Variants in NCKAP5 observed in about 807,000 individuals in gnomAD.
NCKAP5 encodes nck-associated protein 5.
NCKAP5 carries 92 observed loss-of-function variants against 167.0 expected under a neutral mutation model. That is an observed-to-expected ratio of 0.55 (90% confidence interval 0.47 to 0.66). The LOEUF (loss-of-function observed/expected upper bound fraction) is 0.66. NCKAP5 is among the 30% of genes least tolerant of loss of function. NCKAP5 has a pLI of 0.00. For missense variants in NCKAP5, 2,378 were observed against 2,315.0 expected, an observed-to-expected ratio of 1.03 and a Z score of -0.56; for synonymous variants, 891 against 877.4, an observed-to-expected ratio of 1.02 and a Z score of -0.27.
chr2:132,838,730 T>C (rs1688079784), intron 11 of NCKAP5, among the ~76,000 whole-genome samples: 1 of 152,200 alleles, frequency 6.6e-6, no homozygotes, highest in South Asian at 2.1e-4. Flanking sequence ...AGCTTTTATT[T>C]CTATGGCACA....
chr2:132,692,653 C>T (rs1034286096), intron 19 of NCKAP5, among the ~76,000 whole-genome samples: 1 of 151,834 alleles, frequency 6.6e-6, no homozygotes, highest in African/African-American at 2.4e-5. Context: ...CTGTGAAAAA[C>T]AAGTGGCACC....
intron 4 of NCKAP5, among the ~76,000 whole-genome samples, chr2:133,252,791 A>T (rs1402004749): frequency 6.6e-6 from 1 of 152,236 alleles, no homozygotes; most frequent in African/African-American, 2.4e-5. Flanking sequence ...TTCTAAAGTT[A>T]TAGTGCATGA....
At chr2:133,425,358 A>C (rs1023754108) in intron 3 of NCKAP5, among the ~76,000 whole-genome samples, 2 of 152,248 alleles carry the variant, frequency 1.3e-5, no homozygotes, top group African/African-American at 4.8e-5. Flanking sequence ...TAGGAGTCTG[A>C]GGCAGAGCCA....
At chr2:133,452,745 A>T (rs1263860225) in intron 3 of NCKAP5, among the ~76,000 whole-genome samples, 2 of 152,162 alleles carry the variant, frequency 1.3e-5, no homozygotes, top group Non-Finnish European at 2.9e-5. Context: ...AACACACAGA[A>T]AAGGCAATCA....
At chr2:133,063,935 A>G (rs955340166) in intron 6 of NCKAP5, among the ~76,000 whole-genome samples, 4 of 152,200 alleles carry the variant, frequency 2.6e-5, no homozygotes, top group Admixed American at 2.6e-4. Flanking sequence ...GGAGACTAGA[A>G]AGATCTAGTG....
At chr2:133,403,622 C>T (rs1337117757) in intron 3 of NCKAP5, among the ~76,000 whole-genome samples, 4 of 152,288 alleles carry the variant, frequency 2.6e-5, no homozygotes, top group East Asian at 1.9e-4. Context: ...CCAGCTTTAA[C>T]GGCGGATGGT....
intron 6 of NCKAP5, among the ~76,000 whole-genome samples, chr2:133,077,931 T>C (rs2080667332): frequency 6.6e-6 from 1 of 152,214 alleles, no homozygotes; most frequent in African/African-American, 2.4e-5. Context: ...GATGCTTTTA[T>C]GTCTAAGAAA....
chr2:133,252,400 G>C (rs2088391063), intron 4 of NCKAP5, among the ~76,000 whole-genome samples: 1 of 152,086 alleles, frequency 6.6e-6, no homozygotes, highest in Non-Finnish European at 1.5e-5. Context: ...TTCACTACGG[G>C]GCTCTCTTTC....
rs141594241 is a variant in NCKAP5 at position 133,395,989 on chromosome 2, C to T, written c.70-92879G>A. 4.1e-3 allele frequency among the ~76,000 whole-genome samples: 631 copies of T among 152,164 alleles called. 6 individuals are homozygous for T. Among genetic ancestry groups the T allele is most frequent in the Middle Eastern group, 0.017 (5 of 294 alleles). ...ACCATTTTAGCAAGTTTCTTTCTCT[C>T]ACCATCTCCTTCACATTTTCTTTCT... On this transcript the variant is annotated intron_variant, in intron 3 of 19. Transcript: ENST00000409261.
the NCKAP5 span, among the ~76,000 whole-genome samples, chr2:133,589,300 A>G: frequency 2.2e-4 from 33 of 152,192 alleles, no homozygotes; most frequent in South Asian, 4.1e-4. Flanking sequence ...ATGAGTGTGG[A>G]AGAAATTAAA....
intron 4 of NCKAP5, among the ~76,000 whole-genome samples, chr2:133,239,286 T>C (rs1479054113): frequency 1.3e-5 from 2 of 152,182 alleles, no homozygotes; most frequent in African/African-American, 2.4e-5. Flanking sequence ...ACAATTTCAG[T>C]GAATAGCTCA....
chr2:133,498,480 A>AAGGAAGGAAGGCAGGC (rs1310524686), intron 3 of NCKAP5, among the ~76,000 whole-genome samples: 58 of 101,798 alleles, frequency 5.7e-4, no homozygotes, highest in Middle Eastern at 4.6e-3. Flanking sequence ...GGAAGGAAGG[A>AAGGAAGGAAGGCAGGC]AGGCAGGCAG....
At chr2:133,656,786 C>T in the NCKAP5 span, among the ~76,000 whole-genome samples, 22 of 152,190 alleles carry the variant, frequency 1.4e-4, no homozygotes, top group African/African-American at 5.3e-4. Context: ...TTATTTTTTA[C>T]TTTTCCGTAA....
chr2:133,165,603 G>C (rs1392752561), intron 5 of NCKAP5, among the ~76,000 whole-genome samples: 1 of 152,108 alleles, frequency 6.6e-6, no homozygotes, highest in African/African-American at 2.4e-5. Context: ...AAAAGCTGGG[G>C]TGATAGAACA....
chr2:133,563,888 C>T (rs2105033871), intron 1 of NCKAP5, among the ~76,000 whole-genome samples: 1 of 152,190 alleles, frequency 6.6e-6, no homozygotes, highest in South Asian at 2.1e-4. Flanking sequence ...AATCCCAGCA[C>T]TTTGGGAGGC....
chr2:133,041,095 G>A (rs374843930), intron 6 of NCKAP5, among the ~76,000 whole-genome samples: 4 of 152,222 alleles, frequency 2.6e-5, no homozygotes, highest in South Asian at 2.1e-4. Context: ...TGCATACTTC[G>A]GAAGTTTTGC....
chr2:132,783,092 C>A lies in NCKAP5; in HGVS notation c.3719G>T (p.Ser1240Ile), dbSNP rs1166884977. 6.2e-7 allele frequency: 1 copy of A among 1,613,838 alleles called. No individual in the cohort carries two copies. Among genetic ancestry groups the A allele is most frequent in the African/African-American group, 1.3e-5 (1 of 75,030 alleles). ...ATTATCTACCCCATCCCTTCCATCA[C>A]TCCCAGGGATGCTACTTTCCAATGG... ...QEPLESSIPG[S>I]DGRDGVDNRS... is the part of the protein sequence containing the mutation. Residue 1240 changes from serine to isoleucine, a missense_variant, in exon 14 of 20, where the codon AGT (serine) becomes ATT (isoleucine). Physicochemically the swap from Ser to Ile is moderately radical, Grantham distance 142 (BLOSUM62 -2). Around this residue, in one of 3 missense-constraint regions of NCKAP5, gnomAD observed 1,325 missense variants for 1,274.5 expected, o/e 1.04. Coordinates refer to ENST00000409261, the MANE Select transcript of NCKAP5 (RefSeq NM_207363.3).
At chr2:133,200,588 A>C (rs548674712) in intron 5 of NCKAP5, among the ~76,000 whole-genome samples, 1 of 152,314 alleles carries the variant, frequency 6.6e-6, no homozygotes, top group Admixed American at 6.5e-5. Flanking sequence ...ACCAGAAGTA[A>C]AAGCAACAAA....
At chr2:132,877,317 T>C (rs1380750399) in intron 9 of NCKAP5, among the ~76,000 whole-genome samples, 1 of 152,196 alleles carries the variant, frequency 6.6e-6, no homozygotes, top group Non-Finnish European at 1.5e-5. Flanking sequence ...GTGTATGTGG[T>C]TGGGAATATT....
Sources: allele counts gnomAD v4.1 joint callset (sites outside exome capture counted in the v4.1 genomes callset), GRCh38; gene constraint gnomAD v4.1.1; regional missense constraint gnomAD v4.1.1; transcripts MANE v1.5; gene names NCBI Gene and HGNC (gene_info 2026-07-23, HGNC 2026-07-21).